Variants in VRK3 observed in about 807,000 individuals in gnomAD.
VRK3 encodes serine/threonine-protein kinase VRK3.
VRK3 carries 50 observed loss-of-function variants against 60.4 expected under a neutral mutation model. The ratio of observed to expected loss-of-function variants is 0.83; its 90% CI spans 0.66 to 1.05. The LOEUF is 1.05. VRK3 is among the 50% of genes least tolerant of loss of function. The pLI, the probability that VRK3 is intolerant of heterozygous loss-of-function variation, is 0.00. For missense variants in VRK3, 549 were observed against 585.3 expected, an observed-to-expected ratio of 0.94 and a Z score of 0.64; for synonymous variants, 246 against 227.8, an observed-to-expected ratio of 1.08 and a Z score of -0.72.
Position 50,010,051 on chromosome 19 carries a change from T to C in VRK3, c.140-666A>G, listed in dbSNP as rs575755160. ...GTTTCTGATTACAATAATTATTTTA[T>C]ATATATATACACACACACACACATA... On this transcript the variant is annotated intron_variant, in intron 3 of 14. Transcript: ENST00000316763. Among the ~76,000 whole-genome samples, 3 of 148,382 alleles carry C rather than the reference T, an allele frequency of 2.0e-5. No individual in the cohort carries two copies. The South Asian group carries it at 6.5e-4, about 32-fold the overall frequency.
Position 49,989,737 on chromosome 19 carries a change from T to G in VRK3, c.998A>C (p.Tyr333Ser), listed in dbSNP as rs145544268. Reference sequence around the variant, plus strand: ...GGCCACGTGTTTGCCACTTGGGCAATAGCGGAAGGCGAAGCCATAGCCTGC... The same window carrying G: ...GGCCACGTGTTTGCCACTTGGGCAAGAGCGGAAGGCGAAGCCATAGCCTGC... ...TLAGYGFAFR[Y>S]CPSGKHVAYV... The change falls in exon 11 of 15, where the codon TAT (tyrosine) becomes TCT (serine). Residue 333 changes from tyrosine to serine, a missense_variant. Physicochemically the swap from Tyr to Ser is moderately radical, Grantham distance 144 (BLOSUM62 -2). Transcript: ENST00000316763. 2 of 1,613,348 alleles carry G rather than the reference T, an allele frequency of 1.2e-6. No homozygotes were observed. The highest frequency in any genetic ancestry group is 1.7e-6 in the Non-Finnish European group (2 of 1,179,618).
At chr19:50,009,150 G>T in intron 4 of VRK3, 86 bp downstream of exon 4, 1 of 1,472,562 alleles carries the variant, frequency 6.8e-7, no homozygotes, top group Non-Finnish European at 9.3e-7. Flanking sequence ...TTTGAGCCGG[G>T]GCTGTGGCAG....
intron 3 of VRK3, 86 bp from the exon 4 acceptor site, chr19:50,009,471 C>T (rs562018589): frequency 1.3e-6 from 2 of 1,511,894 alleles, no homozygotes; most frequent in Admixed American, 2.0e-5. Flanking sequence ...AGGTTATACT[C>T]AGCTATGCTG....
At chr19:50,016,199 G>A in intron 2 of VRK3, 36 bp from the exon 3 acceptor site, 1 of 1,611,090 alleles carries the variant, frequency 6.2e-7, no homozygotes, top group Non-Finnish European at 8.5e-7. Flanking sequence ...AAGTGAAACG[G>A]GCCAGCTGAA....
intron 2 of VRK3, among the ~76,000 whole-genome samples, chr19:50,016,615 G>T (rs1208501582): frequency 6.6e-6 from 1 of 152,194 alleles, no homozygotes; most frequent in African/African-American, 2.4e-5. Flanking sequence ...GAGCCACCAA[G>T]ATTTCAGGGT....
At chr19:50,003,291 T>C (rs927781847) in intron 5 of VRK3, among the ~76,000 whole-genome samples, 10 of 152,364 alleles carry the variant, frequency 6.6e-5, no homozygotes, top group African/African-American at 2.4e-4. Flanking sequence ...TTTGGACTTC[T>C]GGCCTCCAGA....
chr19:49,982,104 GA>G (rs2076434441), intron 12 of VRK3: 1 of 702,718 alleles, frequency 1.4e-6, no homozygotes, highest in Non-Finnish European at 2.6e-6. Flanking sequence ...GGAGGAGGTG[GA>G]AAACTGCAAA....
At chr19:50,002,859 C>A (rs952825457) in intron 5 of VRK3, among the ~76,000 whole-genome samples, 2 of 152,154 alleles carry the variant, frequency 1.3e-5, no homozygotes, top group East Asian at 1.9e-4. Context: ...CAAATGAAGA[C>A]CAGGGCGTGG....
chr19:50,016,964 C>A (rs1213819011), intron 2 of VRK3, among the ~76,000 whole-genome samples: 1 of 138,832 alleles, frequency 7.2e-6, no homozygotes. Flanking sequence ...CCATCACAGG[C>A]AGATCACCTG....
chr19:49,988,555 C>G (rs773518915), intron 11 of VRK3, 63 bp from the exon 12 acceptor site: 20 of 1,569,778 alleles, frequency 1.3e-5, no homozygotes, highest in East Asian at 6.9e-5. Flanking sequence ...GGTGGGTCCA[C>G]CCCCCTTCCT....
At chr19:49,977,167 G>T (rs1427783573) in intron 14 of VRK3, among the ~76,000 whole-genome samples, 1 of 151,958 alleles carries the variant, frequency 6.6e-6, no homozygotes, top group East Asian at 1.9e-4. Context: ...AGGTGCAAAG[G>T]TTCCGGGGTG....
chr19:49,992,790 A>G, intron 10 of VRK3, 70 bp downstream of exon 10: 1 of 1,429,322 alleles, frequency 7.0e-7, no homozygotes, highest in Non-Finnish European at 9.8e-7. Context: ...TATGAAATAA[A>G]TAGAGATTTG....
rs540064675 is a variant in VRK3, at chr19:50,008,123, A to G, written c.290-297T>C. Among the ~76,000 whole-genome samples, 15 of 152,202 alleles carry G rather than the reference A, an allele frequency of 9.9e-5. No individual in the cohort carries two copies. In the South Asian group the frequency reaches 2.7e-3, roughly 27 times the overall value. On this transcript the variant is annotated intron_variant, in intron 4 of 14. Coordinates refer to ENST00000316763, the MANE Select transcript of VRK3 (RefSeq NM_016440.4). ...AGACAGATATTAGGGCCCAAAAGAG[A>G]AAGAGATCCTGCCTGGAGAAGTCAG... is the stretch of plus-strand genomic sequence containing the variant.
intron 7 of VRK3, among the ~76,000 whole-genome samples, chr19:49,996,072 C>T (rs1281892992): frequency 6.6e-6 from 1 of 152,144 alleles, no homozygotes; most frequent in Non-Finnish European, 1.5e-5. Context: ...CAGGCACGTG[C>T]CACCACATCC....
intron 14 of VRK3, 47 bp downstream of exon 14, chr19:49,979,036 G>A: frequency 1.9e-6 from 3 of 1,538,500 alleles, no homozygotes; most frequent in African/African-American, 2.8e-5. Flanking sequence ...GCAGGGCTCG[G>A]GTGAGGGCAA....
At chr19:49,999,707 G>C (rs968794003) in intron 6 of VRK3, 2 of 151,964 alleles carry the variant, frequency 1.3e-5, no homozygotes, top group Non-Finnish European at 2.9e-5. Context: ...AGCCTCTCCA[G>C]GGCTGGGCCT....
chr19:49,986,134 C>T (rs561952236), intron 12 of VRK3, among the ~76,000 whole-genome samples: 112 of 152,180 alleles, frequency 7.4e-4, no homozygotes, highest in Non-Finnish European at 1.4e-3. Flanking sequence ...GGGCATGGTG[C>T]CACTTATGCC....
chr19:50,010,566 A>G (rs1319398237), intron 3 of VRK3, among the ~76,000 whole-genome samples: 1 of 152,244 alleles, frequency 6.6e-6, no homozygotes, highest in Non-Finnish European at 1.5e-5. Flanking sequence ...GACCACACAG[A>G]TCAGTGTGAA....
chr19:49,993,284 T>A (rs887665232), intron 9 of VRK3, among the ~76,000 whole-genome samples: 1 of 152,236 alleles, frequency 6.6e-6, no homozygotes. Context: ...CCTGTGGATA[T>A]CAAAGAGCTC....
Sources: allele counts gnomAD v4.1 joint callset (sites outside exome capture counted in the v4.1 genomes callset), GRCh38; gene constraint gnomAD v4.1.1; transcripts MANE v1.5; gene names NCBI Gene and HGNC (gene_info 2026-07-23, HGNC 2026-07-21).